Variants in TRIM66 observed in about 807,000 individuals in gnomAD.
TRIM66 encodes the protein tripartite motif containing 66, also known as tripartite motif-containing protein 66.
A neutral mutation model predicts 148.2 loss-of-function variants in TRIM66; 99 were observed. The ratio of observed to expected loss-of-function variants is 0.67; its 90% CI spans 0.57 to 0.79. TRIM66 has a LOEUF of 0.79. TRIM66 is among the 30% of genes least tolerant of loss of function. The probability of loss-of-function intolerance (pLI) is 0.00; values close to 1 mark genes in which losing one functional copy is unlikely to be tolerated. For missense variants in TRIM66, 1,666 were observed against 1,697.9 expected, an observed-to-expected ratio of 0.98 and a Z score of 0.33; for synonymous variants, 616 against 635.9, an observed-to-expected ratio of 0.97 and a Z score of 0.47.
At chr11:8,619,990 C>G (rs1217501074) in intron 22 of TRIM66, 60 bp downstream of exon 22, 1 of 1,407,480 alleles carries the variant, frequency 7.1e-7, no homozygotes, top group Non-Finnish European at 9.8e-7. Context: ...GCTGGGGTAG[C>G]AGTATAGGCA....
At chr11:8,644,634 C>T (rs1157978142) in intron 12 of TRIM66, among the ~76,000 whole-genome samples, 1 of 152,158 alleles carries the variant, frequency 6.6e-6, no homozygotes, top group Non-Finnish European at 1.5e-5. Flanking sequence ...ACACACCCCT[C>T]CTCTCTATCT....
At chr11:8,663,581 T>C (rs2038401456) in intron 6 of TRIM66, among the ~76,000 whole-genome samples, 1 of 152,066 alleles carries the variant, frequency 6.6e-6, no homozygotes, top group Admixed American at 6.5e-5. Flanking sequence ...TTTCAGGCTG[T>C]GAGTAACTAA....
At position 8,646,432 on chromosome 11, in the gene TRIM66, T is replaced by C; in HGVS notation, c.957+15A>G. On this transcript the variant is annotated intron_variant, in intron 11 of 24. Transcript: ENST00000646038. The stretch of plus-strand genomic sequence containing the variant: ...TTTCTGAACCCAACCATCTGATCCA[T>C]CTGTCTATACATACCTCTAATTCCT... 6.5e-7 allele frequency: 1 copy of C among 1,547,646 alleles called. No individual in the cohort carries two copies. The highest frequency in any genetic ancestry group is 8.7e-7 in the Non-Finnish European group (1 of 1,142,934).
intron 15 of TRIM66, among the ~76,000 whole-genome samples, chr11:8,626,229 A>T (rs2034834596): frequency 6.6e-6 from 1 of 151,978 alleles, no homozygotes; most frequent in Non-Finnish European, 1.5e-5. Context: ...CCTGCCCTTT[A>T]AAAAAAAGAC....
At chr11:8,666,341 GAAAAAAAAAAA>G (rs558326812) in intron 6 of TRIM66, among the ~76,000 whole-genome samples, 27 of 23,542 alleles carry the variant, frequency 1.1e-3, no homozygotes, top group East Asian at 8.6e-3. Context: ...CTCCGCCTCA[GAAAAAAAAAAA>G]AAAAAAAAAA....
intron 17 of TRIM66, among the ~76,000 whole-genome samples, chr11:8,623,221 G>T (rs190152143): frequency 2.0e-4 from 31 of 152,366 alleles, no homozygotes; most frequent in African/African-American, 7.2e-4. Flanking sequence ...CCTCTGAGGA[G>T]TCTTTTTGTC....
chr11:8,656,630 C>T (rs1382539992), intron 6 of TRIM66, among the ~76,000 whole-genome samples: 2 of 152,210 alleles, frequency 1.3e-5, no homozygotes, highest in Non-Finnish European at 2.9e-5. Context: ...GTGTACACCA[C>T]CACTCTCTGA....
At chr11:8,620,266 C>A in intron 21 of TRIM66, 142 bp from the exon 22 acceptor site, 1 of 1,328,874 alleles carries the variant, frequency 7.5e-7, no homozygotes, top group East Asian at 2.5e-5. Context: ...GGTTCCCAAG[C>A]CAGAGGAAAA....
intron 3 of TRIM66, among the ~76,000 whole-genome samples, chr11:8,677,677 T>C (rs1247160505): frequency 1.3e-5 from 2 of 152,168 alleles, no homozygotes; most frequent in Non-Finnish European, 2.9e-5. Context: ...TTTCCATTAA[T>C]TTTATCCTCT....
intron 15 of TRIM66, among the ~76,000 whole-genome samples, chr11:8,636,205 C>T (rs2035865311): frequency 6.6e-6 from 1 of 152,054 alleles, no homozygotes; most frequent in Non-Finnish European, 1.5e-5. Flanking sequence ...AGCTTTAACG[C>T]ATGATTTCAT....
At position 8,644,190 on chromosome 11, in the gene TRIM66, G is replaced by A. The variant is rs375387753; in HGVS notation, c.1105-1064C>T. 2.0e-3 allele frequency: 587 copies of A among 291,060 alleles called. 4 individuals carry two copies. Among genetic ancestry groups the A allele is most frequent in the African/African-American group, 0.012 (557 of 44,622 alleles). 18.0% of individuals were successfully genotyped at this position (291,060 alleles called of 1,614,324 possible). A position where few individuals can be genotyped will look rare whatever the true frequency, so the allele number is the denominator to read the frequency against. On this transcript the variant is annotated intron_variant, in intron 12 of 24. Transcript: ENST00000646038. The stretch of plus-strand genomic sequence containing the variant: ...CCAGCTTCCTTTCATTTACAGTCAT[G>A]ATATCACTAGTGTCCTAATTCCCTC...
rs988123409 is a variant in TRIM66, at chr11:8,638,777, C to T, written c.2187G>A (p.Pro729=). Residue 729 remains proline, a synonymous_variant, in exon 15 of 25, where the codon CCG becomes CCA. Coordinates refer to ENST00000646038, the MANE Select transcript of TRIM66 (RefSeq NM_001388022.1). ...CAGTATTCTTGTCAAGAGGGAGAGCCGGCTTTGAGCCCTGAGATGCTGGGG... is the reference window on the plus strand; with the variant it reads ...CAGTATTCTTGTCAAGAGGGAGAGCTGGCTTTGAGCCCTGAGATGCTGGGG... ...DEPPASQGSK[P]ALPLDKNTAA... is the part of the protein sequence containing the mutation. 20 of 1,550,952 alleles carry T rather than the reference C, an allele frequency of 1.3e-5. No individual in the cohort carries two copies. Among genetic ancestry groups the T allele is most frequent in the African/African-American group, 8.2e-5 (6 of 72,922 alleles).
At chr11:8,645,051 A>G (rs912428845) in intron 12 of TRIM66, among the ~76,000 whole-genome samples, 1 of 152,180 alleles carries the variant, frequency 6.6e-6, no homozygotes, top group Non-Finnish European at 1.5e-5. Flanking sequence ...TATGCTGAAA[A>G]TGACGGTATT....
intron 15 of TRIM66, among the ~76,000 whole-genome samples, chr11:8,635,727 T>C (rs537853728): frequency 5.8e-4 from 88 of 152,274 alleles, no homozygotes; most frequent in African/African-American, 1.9e-3. Flanking sequence ...AATGAGAAGA[T>C]AGAATTCCTA....
chr11:8,644,429 C>T, intron 12 of TRIM66: 1 of 454,280 alleles, frequency 2.2e-6, no homozygotes, highest in South Asian at 1.6e-5. Flanking sequence ...ATTATCACCT[C>T]CTATTTCACA....
At chr11:8,662,092 C>T (rs10769939) in intron 6 of TRIM66, among the ~76,000 whole-genome samples, 59,996 of 152,020 alleles carry the variant, frequency 0.39, 12,110 homozygotes, top group East Asian at 0.6. Flanking sequence ...ACTCCACTGA[C>T]AGGGCTCCAG....
Position 8,641,240 on chromosome 11 carries a change from T to C in TRIM66, c.1223-88A>G, listed in dbSNP as rs1303555734. On this transcript the variant is annotated intron_variant, in intron 13 of 24. Coordinates refer to ENST00000646038, the MANE Select transcript of TRIM66 (RefSeq NM_001388022.1). ...CTGCTCCTGGGACAAAAGAACCTCA[T>C]TCAACAATCCTGTACCAGGAACAGA... 4 of 1,185,588 alleles carry C rather than the reference T, an allele frequency of 3.4e-6. 1 individual carries two copies. The highest frequency in any genetic ancestry group is 4.7e-6 in the Non-Finnish European group (4 of 854,318). 73.4% of individuals were successfully genotyped at this position (1,185,588 alleles called of 1,614,324 possible). A position where few individuals can be genotyped will look rare whatever the true frequency, so the allele number is the denominator to read the frequency against.
chr11:8,628,150 T>C lies in TRIM66; in HGVS notation c.2311-2922A>G, dbSNP rs188722942. Reference sequence around the variant, plus strand: ...CCCATCCTGAATGGTAAATCTATTTTTTTTTCTTTACATTTGTTTTTCTTG... The same window carrying C: ...CCCATCCTGAATGGTAAATCTATTTCTTTTTCTTTACATTTGTTTTTCTTG... On this transcript the variant is annotated intron_variant, in intron 15 of 24. Transcript: ENST00000646038. Among the ~76,000 whole-genome samples, 97 of 152,206 alleles carry C rather than the reference T, an allele frequency of 6.4e-4. 1 individual carries two copies. In the East Asian group the frequency reaches 0.017, roughly 27 times the overall value.
intron 18 of TRIM66, 131 bp from the exon 19 acceptor site, chr11:8,621,950 G>A (rs2034264927): frequency 2.1e-6 from 2 of 960,238 alleles, no homozygotes; most frequent in Non-Finnish European, 2.9e-6. Flanking sequence ...AGGATACAAA[G>A]TATTTATCCT....
Sources: allele counts gnomAD v4.1 joint callset (sites outside exome capture counted in the v4.1 genomes callset), GRCh38; gene constraint gnomAD v4.1.1; transcripts MANE v1.5; gene names NCBI Gene and HGNC (gene_info 2026-07-23, HGNC 2026-07-21).